ST7: variants seen among roughly 807,000 people sequenced by gnomAD.
The protein encoded by ST7 is suppressor of tumorigenicity 7 protein.
Under a neutral mutation model 78.7 loss-of-function variants are expected in ST7, and 28 were observed. The ratio of observed to expected loss-of-function variants is 0.36; its 90% CI spans 0.26 to 0.49. The LOEUF is 0.49. Among genes scored for constraint, ST7 ranks in the 20% least tolerant of loss-of-function variants. The pLI is 0.99. For missense variants in ST7, 418 were observed against 696.0 expected, an observed-to-expected ratio of 0.60 and a Z score of 4.49; for synonymous variants, 247 against 249.6, an observed-to-expected ratio of 0.99 and a Z score of 0.10.
chr7:117,108,180 AG>A (rs1802131518), intron 2 of ST7, among the ~76,000 whole-genome samples: 1 of 152,152 alleles, frequency 6.6e-6, no homozygotes, highest in Non-Finnish European at 1.5e-5. Context: ...AATGTCTAGA[AG>A]GGTTTTTCCA....
intron 9 of ST7, among the ~76,000 whole-genome samples, chr7:117,154,984 C>T (rs905481401): frequency 1.3e-5 from 2 of 151,900 alleles, no homozygotes; most frequent in South Asian, 4.1e-4. Flanking sequence ...ATGCCTCACA[C>T]CAGGACAGAC....
Position 117,177,958 on chromosome 7 carries a change from C to G in ST7, c.1078+6982C>G, listed in dbSNP as rs114207251. 3.5e-3 allele frequency among the ~76,000 whole-genome samples: 533 copies of G among 152,182 alleles called. 5 individuals are homozygous for G. Among genetic ancestry groups the G allele is most frequent in the African/African-American group, 0.012 (512 of 41,502 alleles). On this transcript the variant is annotated intron_variant, in intron 10 of 15. Transcript: ENST00000323984. ...CACATCACAATCCACAAACAGGTTA[C>G]GAAGGAGAAATGGACTGCTTTTTAA... is the stretch of plus-strand genomic sequence containing the variant.
At chr7:117,181,590 G>T (rs1240624342) in intron 10 of ST7, among the ~76,000 whole-genome samples, 1 of 152,102 alleles carries the variant, frequency 6.6e-6, no homozygotes, top group Non-Finnish European at 1.5e-5. Flanking sequence ...GTATTAATAC[G>T]TTGCTGAGGT....
At chr7:117,096,761 A>G (rs1357393545) in intron 1 of ST7, among the ~76,000 whole-genome samples, 1 of 152,244 alleles carries the variant, frequency 6.6e-6, no homozygotes. Flanking sequence ...TATGTCCACA[A>G]TTGCCACATG....
intron 13 of ST7, among the ~76,000 whole-genome samples, chr7:117,214,373 T>C (rs1340911587): frequency 1.3e-5 from 2 of 152,138 alleles, no homozygotes; most frequent in African/African-American, 4.8e-5. Context: ...AGTATTTCCT[T>C]TGAGAGGGGA....
chr7:117,170,462 C>A (rs906712198), intron 9 of ST7, among the ~76,000 whole-genome samples: 2 of 152,148 alleles, frequency 1.3e-5, no homozygotes, highest in Admixed American at 6.5e-5. Flanking sequence ...GCGGGCAGAT[C>A]ATGAGGTCAG....
intron 14 of ST7, 25 bp from the exon 15 acceptor site, chr7:117,221,898 A>G: frequency 5.0e-6 from 8 of 1,594,338 alleles, no homozygotes; most frequent in Non-Finnish European, 6.8e-6. Context: ...CAGCCCTGAT[A>G]TTTCCCTTTT....
At chr7:116,972,883 A>G in intron 1 of ST7, 1 of 1,312,190 alleles carries the variant, frequency 7.6e-7, no homozygotes. Flanking sequence ...ATTGCCCTTA[A>G]CCGCCTCGAT....
At chr7:117,195,160 A>G (rs895727057) in intron 12 of ST7, among the ~76,000 whole-genome samples, 5 of 152,182 alleles carry the variant, frequency 3.3e-5, no homozygotes, top group Non-Finnish European at 7.3e-5. Flanking sequence ...TATTTAAAAA[A>G]AAATTAGCAT....
At chr7:117,217,289 A>G (rs1283016204) in intron 13 of ST7, among the ~76,000 whole-genome samples, 12 of 131,770 alleles carry the variant, frequency 9.1e-5, no homozygotes, top group East Asian at 4.0e-4. Flanking sequence ...TGGATTTGGG[A>G]AAAAAAAAAA....
At chr7:117,079,996 T>C (rs1799636600) in intron 1 of ST7, among the ~76,000 whole-genome samples, 1 of 141,686 alleles carries the variant, frequency 7.1e-6, no homozygotes, top group East Asian at 2.0e-4. Flanking sequence ...TTTTTTTTTT[T>C]TTGAGACGGA....
intron 1 of ST7, among the ~76,000 whole-genome samples, chr7:116,973,697 T>C (rs1041395508): frequency 1.3e-5 from 2 of 152,242 alleles, no homozygotes; most frequent in South Asian, 2.1e-4. Context: ...CAATAATGTA[T>C]AGTTATTTTG....
intron 13 of ST7, among the ~76,000 whole-genome samples, chr7:117,212,972 T>A (rs1255814187): frequency 6.6e-6 from 1 of 152,240 alleles, no homozygotes; most frequent in Non-Finnish European, 1.5e-5. Flanking sequence ...TTCCATCAGA[T>A]GACCTGGATT....
intron 1 of ST7, among the ~76,000 whole-genome samples, chr7:116,969,946 A>G (rs1332342219): frequency 6.6e-6 from 1 of 152,092 alleles, no homozygotes; most frequent in African/African-American, 2.4e-5. Flanking sequence ...GTGGTGGTGC[A>G]TGCCTGTAAT....
chr7:117,038,575 T>G (rs1264193881), intron 1 of ST7, among the ~76,000 whole-genome samples: 1 of 152,208 alleles, frequency 6.6e-6, no homozygotes. Flanking sequence ...ATTCTGCTCA[T>G]AAACTTGCTG....
At chr7:116,961,553 T>C (rs533624334) in intron 1 of ST7, among the ~76,000 whole-genome samples, 19 of 122,930 alleles carry the variant, frequency 1.5e-4, no homozygotes, top group African/African-American at 5.8e-4. Flanking sequence ...GCTGTATTCC[T>C]ACGTGTGTGT....
chr7:116,978,215 CTG>C (rs1793792106), intron 1 of ST7, among the ~76,000 whole-genome samples: 1 of 152,214 alleles, frequency 6.6e-6, no homozygotes, highest in Non-Finnish European at 1.5e-5. Context: ...AGGCCAGTGT[CTG>C]TGGAACAATG....
chr7:117,046,782 C>G (rs1196263179), intron 1 of ST7, among the ~76,000 whole-genome samples: 2 of 152,140 alleles, frequency 1.3e-5, no homozygotes, highest in African/African-American at 4.8e-5. Flanking sequence ...GTCTAAATGA[C>G]ACCTCAGAAA....
In ST7 at chr7:117,209,056, G is replaced by T. The variant is rs76588464; in HGVS notation, c.1255-731G>T. 1.0e-3 allele frequency among the ~76,000 whole-genome samples: 159 copies of T among 152,148 alleles called. 1 individual carries two copies. In the East Asian group the frequency reaches 0.013, roughly 12 times the overall value. On this transcript the variant is annotated intron_variant, in intron 12 of 15. Transcript: ENST00000323984. ...CTATCTATCCTATAGTAAAACAAAA[G>T]AATAAAAATGGAAACGTAGTCTTTT...
Sources: gnomAD v4.1 joint callset for allele counts (sites outside exome capture counted in the v4.1 genomes callset) on GRCh38, gnomAD v4.1.1 for gene constraint, MANE v1.5 for transcripts, NCBI Gene and HGNC (gene_info 2026-07-23, HGNC 2026-07-21) for gene names.